KCTD5: variants seen among roughly 807,000 people sequenced by gnomAD.
KCTD5 encodes potassium channel tetramerization domain containing 5.
In KCTD5, 12 loss-of-function variants were observed where a neutral mutation model predicts 27.9. The ratio of observed to expected loss-of-function variants is 0.43; its 90% CI spans 0.28 to 0.70. The LOEUF (loss-of-function observed/expected upper bound fraction) is 0.70. KCTD5 is among the 30% of genes least tolerant of loss of function. KCTD5 has a pLI of 0.19. For synonymous variants in KCTD5, 147 were observed against 121.4 expected (o/e 1.21, Z -1.39); for missense variants, 226 against 274.8 (o/e 0.82, Z 1.26).
At chr16:2,682,864 C>G (rs1419768303) in intron 1 of KCTD5, 64 bp downstream of exon 1, 2 of 1,501,078 alleles carry the variant, frequency 1.3e-6, no homozygotes, top group African/African-American at 2.9e-5. Context: ...CCTGCACACG[C>G]CCTGCTTCGT....
intron 1 of KCTD5, among the ~76,000 whole-genome samples, chr16:2,688,092 C>T (rs1871841244): frequency 6.6e-6 from 1 of 151,764 alleles, no homozygotes; most frequent in African/African-American, 2.4e-5. Flanking sequence ...ACTGTGACGT[C>T]CTCTCCTGAA....
chr16:2,682,654 G>C lies in KCTD5; in HGVS notation c.106G>C (p.Ala36Pro). 1 of 1,598,608 alleles carries C rather than the reference G, an allele frequency of 6.3e-7. No individual in the cohort carries two copies. The highest frequency in any genetic ancestry group is 2.3e-5 in the East Asian group (1 of 42,918). The change falls in exon 1 of 6, where the codon GCC (alanine) becomes CCC (proline). Residue 36 changes from alanine to proline, a missense_variant. Around this residue, in one of 2 missense-constraint regions of KCTD5, gnomAD observed 91 missense variants for 67.8 expected, o/e 1.34. Transcript: ENST00000301738. ...RRCSAGLGALAQRPGSVSKWV... is the reference protein window; with the variant it reads ...RRCSAGLGALPQRPGSVSKWV... ...CTGCAGCGCTGGGCTCGGCGCCCTGGCCCAGCGCCCTGGCAGCGTGTCCAA... is the reference window on the plus strand; with the variant it reads ...CTGCAGCGCTGGGCTCGGCGCCCTGCCCCAGCGCCCTGGCAGCGTGTCCAA...
At chr16:2,682,842 C>G in intron 1 of KCTD5, 42 bp downstream of exon 1, 1 of 1,535,434 alleles carries the variant, frequency 6.5e-7, no homozygotes, top group Middle Eastern at 1.7e-4. Context: ...CTGGCCTTCC[C>G]GGCCTGCGGC....
intron 4 of KCTD5, 25 bp from the exon 5 acceptor site, chr16:2,702,328 C>T (rs536494152): frequency 1.7e-5 from 27 of 1,612,748 alleles, no homozygotes; most frequent in East Asian, 2.2e-5. Flanking sequence ...CACTGGGCTG[C>T]GTCTCAGGCT....
At chr16:2,698,107 T>TAGGAGAGCC in intron 3 of KCTD5, 110 bp downstream of exon 3, 1 of 725,246 alleles carries the variant, frequency 1.4e-6, no homozygotes, top group Non-Finnish European at 2.4e-6. Flanking sequence ...TCTGGGGCTC[T>TAGGAGAGCC]CCTACCCTGA....
chr16:2,687,598 C>T (rs112574576), intron 1 of KCTD5, among the ~76,000 whole-genome samples: 3,880 of 152,344 alleles, frequency 0.025, 161 homozygotes, highest in African/African-American at 0.086. Flanking sequence ...TGAAAGGTCA[C>T]GGAGTGAGGT....
At chr16:2,690,072 A>G (rs1173760695) in intron 1 of KCTD5, among the ~76,000 whole-genome samples, 1 of 152,262 alleles carries the variant, frequency 6.6e-6, no homozygotes, top group African/African-American at 2.4e-5. Flanking sequence ...GCTGGGTGAC[A>G]GCATGGATGG....
rs1470052260 is a variant in KCTD5 at position 2,708,263 on chromosome 16, T to C, written c.*936T>C. The C allele has an allele frequency of 6.5e-6, 1 of 152,712 alleles. No homozygotes were observed. Among genetic ancestry groups the C allele is most frequent in the Non-Finnish European group, 1.5e-5 (1 of 68,072 alleles). The allele number at this position is 152,712 out of a possible 1,614,324, so 9.5% of individuals were successfully genotyped here. Reference sequence around the variant, plus strand: ...TTACAGAGCATCACAAATGCCTCTCTCTCGCCGCTCTCTCATTTTCTTTGT... The same window carrying C: ...TTACAGAGCATCACAAATGCCTCTCCCTCGCCGCTCTCTCATTTTCTTTGT... On this transcript the variant is annotated 3_prime_UTR_variant, in exon 6 of 6. Transcript: ENST00000301738.
rs1228851247 is a variant in KCTD5, at chr16:2,682,951, C to T, written c.252+151C>T. 20 of 979,424 alleles carry T rather than the reference C, an allele frequency of 2.0e-5. No individual in the cohort carries two copies. The East Asian group carries it at 6.1e-4, about 30-fold the overall frequency. 60.7% of individuals were successfully genotyped at this position (979,424 alleles called of 1,614,324 possible). ...GCGCTCCCTTGTCGCCAGCTCCTCCCCAGCTTGCCCCGATCCCCTACCCTG... is the reference window on the plus strand; with the variant it reads ...GCGCTCCCTTGTCGCCAGCTCCTCCTCAGCTTGCCCCGATCCCCTACCCTG... On this transcript the variant is annotated intron_variant, in intron 1 of 5. Coordinates refer to ENST00000301738, the MANE Select transcript of KCTD5 (RefSeq NM_018992.4).
chr16:2,684,985 G>C (rs1480702179), intron 1 of KCTD5, among the ~76,000 whole-genome samples: 2 of 152,052 alleles, frequency 1.3e-5, no homozygotes, highest in African/African-American at 4.8e-5. Flanking sequence ...CTTTGAGCGA[G>C]GGGTAATTAA....
chr16:2,697,408 A>G (rs2142056324), intron 2 of KCTD5: 1 of 155,444 alleles, frequency 6.4e-6, no homozygotes, highest in Non-Finnish European at 1.4e-5. Flanking sequence ...GAATGGGGTC[A>G]ACTGAGGTGC....
intron 3 of KCTD5, 110 bp downstream of exon 3, chr16:2,698,107 T>C (rs2067594572): frequency 1.4e-6 from 1 of 725,246 alleles, no homozygotes; most frequent in South Asian, 1.7e-5. Flanking sequence ...TCTGGGGCTC[T>C]CCTACCCTGA....
chr16:2,684,639 C>A (rs1444761409), intron 1 of KCTD5: 3 of 152,254 alleles, frequency 2.0e-5, no homozygotes, highest in Non-Finnish European at 4.4e-5. Context: ...GTGGCGAGCA[C>A]CTGTAGTCCC....
At chr16:2,704,760 C>G (rs2067627680) in intron 5 of KCTD5, among the ~76,000 whole-genome samples, 1 of 152,204 alleles carries the variant, frequency 6.6e-6, no homozygotes, top group Non-Finnish European at 1.5e-5. Flanking sequence ...AGGGCCCCAC[C>G]CTCCCTCCTG....
chr16:2,693,208 C>G (rs776113908), intron 1 of KCTD5, among the ~76,000 whole-genome samples: 10 of 152,220 alleles, frequency 6.6e-5, no homozygotes, highest in Non-Finnish European at 1.5e-4. Context: ...CCATGCTGCT[C>G]TCCTGCCATG....
chr16:2,699,799 C>G, intron 3 of KCTD5, 22 bp from the exon 4 acceptor site: 1 of 1,610,792 alleles, frequency 6.2e-7, no homozygotes, highest in Non-Finnish European at 8.5e-7. Context: ...CCCGCCCTTA[C>G]CTGTGCCCAT....
At chr16:2,702,270 GC>G (rs1337158077) in intron 4 of KCTD5, 82 bp from the exon 5 acceptor site, 6 of 1,563,790 alleles carry the variant, frequency 3.8e-6, no homozygotes, top group Non-Finnish European at 5.2e-6. Context: ...GCGGTGGCAG[GC>G]GCGTCCTGAG....
At position 2,707,525 on chromosome 16, in the gene KCTD5, T is replaced by A. The variant is rs76498482; in HGVS notation, c.*198T>A. 8.9e-5 allele frequency: 62 copies of A among 695,824 alleles called. No homozygotes were observed. The highest frequency in any genetic ancestry group is 8.7e-4 in the African/African-American group (49 of 56,508). The allele number at this position is 695,824 out of a possible 1,614,324, so 43.1% of individuals were successfully genotyped here. A position where few individuals can be genotyped will look rare whatever the true frequency, so the allele number is the denominator to read the frequency against. ...TGTCCAAGGCCAGACGTCCCCAAGT[T>A]GGGGGAGCACGGCGGCCGGGTGGGC... On this transcript the variant is annotated 3_prime_UTR_variant, in exon 6 of 6. Coordinates refer to ENST00000301738, the MANE Select transcript of KCTD5 (RefSeq NM_018992.4).
intron 3 of KCTD5, among the ~76,000 whole-genome samples, chr16:2,698,753 G>A (rs144519451): frequency 1.3e-3 from 193 of 152,342 alleles, no homozygotes; most frequent in African/African-American, 4.3e-3. Context: ...GCCACCTAGC[G>A]ACTTGCCCAG....
Sources: gnomAD v4.1 joint callset for allele counts (sites outside exome capture counted in the v4.1 genomes callset) on GRCh38, gnomAD v4.1.1 for gene constraint, gnomAD v4.1.1 regional missense constraint, MANE v1.5 for transcripts, NCBI Gene and HGNC (gene_info 2026-07-23, HGNC 2026-07-21) for gene names.